The following RNF125 variants were observed in gnomAD, a reference collection of about 807,000 sequenced individuals.
RNF125 encodes the protein ring finger protein 125, also known as E3 ubiquitin-protein ligase RNF125.
Under a neutral mutation model 26.0 loss-of-function variants are expected in RNF125, and 21 were observed. That is an observed-to-expected ratio of 0.81 (90% confidence interval 0.57 to 1.16). RNF125 has a LOEUF of 1.16. Ranked by LOEUF, RNF125 falls within the 50% of genes most tolerant of loss-of-function variation. The pLI, the probability that RNF125 is intolerant of heterozygous loss-of-function variation, is 0.00. For synonymous variants in RNF125, 95 were observed against 109.2 expected (o/e 0.87, Z 0.81); for missense variants, 270 against 299.4 (o/e 0.90, Z 0.72).
intron 4 of RNF125, among the ~76,000 whole-genome samples, chr18:32,062,125 G>A (rs2039440760): frequency 6.6e-6 from 1 of 152,198 alleles, no homozygotes; most frequent in African/African-American, 2.4e-5. Flanking sequence ...TACAAGGCAG[G>A]TGTTATTATC....
chr18:32,049,592 CG>C (rs982953070), intron 4 of RNF125, among the ~76,000 whole-genome samples: 4 of 122,908 alleles, frequency 3.3e-5, no homozygotes, highest in Non-Finnish European at 6.8e-5. Context: ...TGGTGTGAGT[CG>C]GGGGGGTGGC....
chr18:32,063,227 C>CAAAAAAAAAAAA (rs34268640), intron 4 of RNF125, among the ~76,000 whole-genome samples: 1 of 98,930 alleles, frequency 1.0e-5, no homozygotes. Context: ...AACTCCATTT[C>CAAAAAAAAAAAA]AAAAAAAAAA....
At chr18:32,026,342 G>T (rs189671850) in intron 1 of RNF125, among the ~76,000 whole-genome samples, 1 of 142,458 alleles carries the variant, frequency 7.0e-6, no homozygotes, top group Non-Finnish European at 1.5e-5. Context: ...TCTGCCTCCC[G>T]GGTTCAAGCA....
chr18:32,089,120 G>A, the RNF125 span, among the ~76,000 whole-genome samples: 1 of 152,200 alleles, frequency 6.6e-6, no homozygotes, highest in South Asian at 2.1e-4. Flanking sequence ...TACAGTGTTG[G>A]TGAAGCTAGG....
At chr18:32,039,777 C>CTTTTTTT (rs1337442183) in intron 2 of RNF125, among the ~76,000 whole-genome samples, 1 of 123,416 alleles carries the variant, frequency 8.1e-6, no homozygotes, top group African/African-American at 3.2e-5. Context: ...CTTTGAGATA[C>CTTTTTTT]TTTTTTTTTT....
At chr18:32,045,991 C>T (rs2039266541) in intron 4 of RNF125, among the ~76,000 whole-genome samples, 1 of 151,568 alleles carries the variant, frequency 6.6e-6, no homozygotes, top group African/African-American at 2.4e-5. Flanking sequence ...TAAAATGATC[C>T]AAAATGCACA....
At chr18:32,024,136 TCTAAA>T (rs2039010601) in intron 1 of RNF125, among the ~76,000 whole-genome samples, 1 of 151,688 alleles carries the variant, frequency 6.6e-6, no homozygotes, top group African/African-American at 2.4e-5. Context: ...TCAAATAACT[TCTAAA>T]CTAGACACAA....
intron 5 of RNF125, among the ~76,000 whole-genome samples, chr18:32,067,741 A>C (rs13381543): frequency 0.013 from 1,981 of 152,300 alleles, 15 homozygotes; most frequent in Non-Finnish European, 0.019. Context: ...GACTTTGAAT[A>C]GAGATTTCAC....
chr18:32,061,269 C>T (rs1023899894), intron 4 of RNF125, among the ~76,000 whole-genome samples: 1 of 151,972 alleles, frequency 6.6e-6, no homozygotes, highest in Non-Finnish European at 1.5e-5. Context: ...CATGATCCGC[C>T]CACCTTGCCC....
chr18:32,067,664 C>G (rs1377626547), intron 5 of RNF125, among the ~76,000 whole-genome samples: 2 of 152,152 alleles, frequency 1.3e-5, no homozygotes, highest in Non-Finnish European at 2.9e-5. Context: ...TTGTGTTCTG[C>G]TGTACTTTAT....
intron 4 of RNF125, among the ~76,000 whole-genome samples, chr18:32,058,158 A>C (rs2039403421): frequency 1.3e-5 from 2 of 151,242 alleles, no homozygotes; most frequent in Non-Finnish European, 3.0e-5. Context: ...AAAAAAAATT[A>C]AAGGGCAAGT....
the RNF125 span, among the ~76,000 whole-genome samples, chr18:32,081,341 A>G: frequency 2.0e-5 from 3 of 152,198 alleles, no homozygotes; most frequent in African/African-American, 7.2e-5. Context: ...TATAATTGTC[A>G]GTGAAATTTA....
In RNF125 at chr18:32,019,045, T is replaced by A. The variant is rs747552896; in HGVS notation, c.164+18T>A. 1 of 1,609,550 alleles carries A rather than the reference T, an allele frequency of 6.2e-7. No individual in the cohort carries two copies. The highest frequency in any genetic ancestry group is 8.5e-7 in the Non-Finnish European group (1 of 1,178,188). On this transcript the variant is annotated intron_variant, in intron 1 of 5. Coordinates refer to ENST00000217740, the MANE Select transcript of RNF125 (RefSeq NM_017831.4). ...GGCCACGTGTAAGTTCCAGGGGAGC[T>A]CGGTTTGCGCCCACCCCTAAGGAGG... is the stretch of plus-strand genomic sequence containing the variant.
In RNF125 at chr18:32,032,598, G is replaced by C. The variant is rs534607380; in HGVS notation, c.165-4518G>C. 3.9e-5 allele frequency among the ~76,000 whole-genome samples: 6 copies of C among 152,184 alleles called. No individual in the cohort carries two copies. The South Asian group carries it at 1.2e-3, about 32-fold the overall frequency. On this transcript the variant is annotated intron_variant, in intron 1 of 5. Transcript: ENST00000217740. ...AAGATACTTTCCATAAACAGTCACA[G>C]TATTTCAAGCAGGACGTGGGCAGAC...
At chr18:32,037,318 G>A (rs534542468) in intron 2 of RNF125, 49 bp downstream of exon 2, 3 of 1,250,070 alleles carry the variant, frequency 2.4e-6, no homozygotes, top group Non-Finnish European at 2.2e-6. Context: ...TTAAGTCCCT[G>A]CGAAAGTTAT....
At chr18:32,063,017 C>G (rs371810186) in intron 4 of RNF125, among the ~76,000 whole-genome samples, 1 of 151,870 alleles carries the variant, frequency 6.6e-6, no homozygotes, top group Non-Finnish European at 1.5e-5. Flanking sequence ...GTCAGGAGTT[C>G]GTGACCAGCC....
chr18:32,058,350 ACT>A (rs143354149), intron 4 of RNF125, among the ~76,000 whole-genome samples: 54,295 of 150,376 alleles, frequency 0.36, 10,120 homozygotes, highest in South Asian at 0.43. Context: ...ATCCAATTAT[ACT>A]CTTTTTTTTT....
intron 2 of RNF125, among the ~76,000 whole-genome samples, chr18:32,041,450 C>A (rs2039215878): frequency 6.6e-6 from 1 of 152,044 alleles, no homozygotes; most frequent in South Asian, 2.1e-4. Flanking sequence ...CTGTCCATTT[C>A]TTTTTTCTGT....
chr18:32,089,570 T>C, the RNF125 span, among the ~76,000 whole-genome samples: 5 of 152,228 alleles, frequency 3.3e-5, no homozygotes, highest in African/African-American at 1.2e-4. Context: ...AAATATCAAG[T>C]AGCTTTTCAC....
Sources: gnomAD v4.1 joint callset for allele counts (sites outside exome capture counted in the v4.1 genomes callset) on GRCh38, gnomAD v4.1.1 for gene constraint, MANE v1.5 for transcripts, NCBI Gene and HGNC (gene_info 2026-07-23, HGNC 2026-07-21) for gene names.